GINS1: variants seen among roughly 807,000 people sequenced by gnomAD.
GINS1 encodes GINS complex subunit 1.
Under a neutral mutation model 34.9 loss-of-function variants are expected in GINS1, and 26 were observed. That is an observed-to-expected ratio of 0.74 (90% CI 0.55 to 1.03). The LOEUF (loss-of-function observed/expected upper bound fraction) is 1.03, where lower values mean the gene tolerates loss of function less well. GINS1 is among the 50% of genes least tolerant of loss of function. GINS1 has a pLI of 0.00. For missense variants in GINS1, 235 were observed against 237.9 expected (o/e 0.99, Z 0.08); for synonymous variants, 97 against 84.4 (o/e 1.15, Z -0.82).
At chr20:25,433,461 C>T (rs533455448) in intron 5 of GINS1, among the ~76,000 whole-genome samples, 1 of 152,016 alleles carries the variant, frequency 6.6e-6, no homozygotes, top group Non-Finnish European at 1.5e-5. Context: ...TAAATAATCT[C>T]TAGATTACTT....
chr20:25,420,378 C>G lies in GINS1; in HGVS notation c.330+2183C>G, dbSNP rs572236916. Reference sequence around the variant, plus strand: ...TGAGCTCCTGACCTGATGATCTGCCCACCTCAGCCTCCCAAAGTGCTGGGA... The same window carrying G: ...TGAGCTCCTGACCTGATGATCTGCCGACCTCAGCCTCCCAAAGTGCTGGGA... On this transcript the variant is annotated intron_variant, in intron 4 of 6. Coordinates refer to ENST00000262460, the MANE Select transcript of GINS1 (RefSeq NM_021067.5). Among the ~76,000 whole-genome samples, 3 of 152,008 alleles carry G rather than the reference C, an allele frequency of 2.0e-5. No individual in the cohort carries two copies. The East Asian group carries it at 5.8e-4, about 30-fold the overall frequency.
intron 2 of GINS1, among the ~76,000 whole-genome samples, chr20:25,414,642 G>C (rs1238490242): frequency 6.6e-6 from 1 of 152,136 alleles, no homozygotes; most frequent in Admixed American, 6.5e-5. Context: ...TGAGGCTGCA[G>C]TGAGCTATGA....
At chr20:25,413,056 A>ATTTTTTTTTTTTTTTTTT in intron 1 of GINS1, among the ~76,000 whole-genome samples, 1 of 135,958 alleles carries the variant, frequency 7.4e-6, no homozygotes, top group African/African-American at 2.7e-5. Context: ...TCAGTAGTTC[A>ATTTTTTTTTTTTTTTTTT]TTTTTTTTTT....
intron 5 of GINS1, among the ~76,000 whole-genome samples, chr20:25,431,809 T>C (rs925380223): frequency 1.3e-5 from 2 of 152,088 alleles, no homozygotes; most frequent in Non-Finnish European, 2.9e-5. Flanking sequence ...TTACCTCAAG[T>C]GATCCACCCA....
chr20:25,421,274 A>G, intron 4 of GINS1, among the ~76,000 whole-genome samples: 1 of 152,246 alleles, frequency 6.6e-6, no homozygotes, highest in Non-Finnish European at 1.5e-5. Context: ...CCTGGTATAT[A>G]GTAAGCACTT....
At chr20:25,414,558 G>C (rs2090308322) in intron 2 of GINS1, among the ~76,000 whole-genome samples, 1 of 152,064 alleles carries the variant, frequency 6.6e-6, no homozygotes, top group Non-Finnish European at 1.5e-5. Flanking sequence ...AAATTAGCTG[G>C]GTGTGGTGGC....
chr20:25,415,960 G>A (rs1001721791), intron 2 of GINS1, among the ~76,000 whole-genome samples: 2 of 152,156 alleles, frequency 1.3e-5, no homozygotes, highest in African/African-American at 4.8e-5. Context: ...GGAGGGAACA[G>A]CATATGCAAA....
chr20:25,447,773 C>T lies in GINS1; in HGVS notation c.*1782C>T, dbSNP rs1221644654. On this transcript the variant is annotated 3_prime_UTR_variant, in exon 7 of 7. Coordinates refer to ENST00000262460, the MANE Select transcript of GINS1 (RefSeq NM_021067.5). Reference sequence around the variant, plus strand: ...ACAGGCGTGAGCCTTGGTGCTGGCCCAGTGTACCACATTTCTTTTTGAGAT... The same window carrying T: ...ACAGGCGTGAGCCTTGGTGCTGGCCTAGTGTACCACATTTCTTTTTGAGAT... 6.6e-6 allele frequency: 1 copy of T among 152,274 alleles called. No individual in the cohort carries two copies. The highest frequency in any genetic ancestry group is 1.5e-5 in the Non-Finnish European group (1 of 68,088). 9.4% of individuals were successfully genotyped at this position (152,274 alleles called of 1,614,324 possible).
intron 5 of GINS1, among the ~76,000 whole-genome samples, chr20:25,440,947 A>G (rs2146223116): frequency 6.6e-6 from 1 of 152,346 alleles, no homozygotes; most frequent in African/African-American, 2.4e-5. Flanking sequence ...ATGGTAGGAC[A>G]TGATAAAATT....
intron 1 of GINS1, among the ~76,000 whole-genome samples, chr20:25,410,425 A>G (rs936892927): frequency 3.3e-5 from 5 of 152,106 alleles, no homozygotes; most frequent in African/African-American, 1.2e-4. Flanking sequence ...CCTTCCACTG[A>G]CAAACCCACC....
At position 25,446,026 on chromosome 20, in the gene GINS1, TC is replaced by T. The variant is rs1568813354; in HGVS notation, c.*36del. ...GAGGCACTTCCAGGCTTCACTCAAC[TC>T]ATGGACTCCTCTGTACTCACTCTCT... is the stretch of plus-strand genomic sequence containing the variant. On this transcript the variant is annotated 3_prime_UTR_variant, in exon 7 of 7. Coordinates refer to ENST00000262460, the MANE Select transcript of GINS1 (RefSeq NM_021067.5). 3 of 1,249,384 alleles carry T rather than the reference TC, an allele frequency of 2.4e-6. No homozygotes were observed. The highest frequency in any genetic ancestry group is 1.2e-5 in the South Asian group (1 of 81,730). The allele number at this position is 1,249,384 out of a possible 1,614,324, so 77.4% of individuals were successfully genotyped here. A position where few individuals can be genotyped will look rare whatever the true frequency, so the allele number is the denominator to read the frequency against.
intron 2 of GINS1, among the ~76,000 whole-genome samples, chr20:25,415,707 A>G (rs1388431743): frequency 1.3e-5 from 2 of 150,310 alleles, no homozygotes; most frequent in Non-Finnish European, 3.0e-5. Flanking sequence ...AAAAAAAAAG[A>G]TGCCTGTCCC....
chr20:25,442,666 G>A lies in GINS1; in HGVS notation c.522+890G>A, dbSNP rs6050620. On this transcript the variant is annotated intron_variant, in intron 6 of 6. Transcript: ENST00000262460. ...TCTGTTCCCCAGGCTGGAGTGCAGT[G>A]GCGGGATCTCCACTCATTGCAACCT... is the stretch of plus-strand genomic sequence containing the variant. Among the ~76,000 whole-genome samples, 550 of 147,900 alleles carry A rather than the reference G, an allele frequency of 3.7e-3. 5 individuals are homozygous for A. Among genetic ancestry groups the A allele is most frequent in the African/African-American group, 0.013 (532 of 39,732 alleles).
At chr20:25,423,609 TCTC>T (rs1415118014) in intron 4 of GINS1, among the ~76,000 whole-genome samples, 3 of 110,412 alleles carry the variant, frequency 2.7e-5, no homozygotes, top group African/African-American at 1.2e-4. Flanking sequence ...ATTTTTCTTC[TCTC>T]TTTTTTTTTT....
chr20:25,408,789 G>T (rs959873039), intron 1 of GINS1: 4 of 296,570 alleles, frequency 1.3e-5, no homozygotes, highest in Non-Finnish European at 2.0e-5. Flanking sequence ...ATTGCCTAAG[G>T]TGACACAGCA....
chr20:25,428,404 T>G (rs1296780562), intron 5 of GINS1, among the ~76,000 whole-genome samples: 1 of 129,056 alleles, frequency 7.7e-6, no homozygotes, highest in East Asian at 2.4e-4. Context: ...TTTCTTTTTT[T>G]TTTTTTTTTT....
In GINS1 at chr20:25,423,452, C is replaced by CTTTTCTTTTTTTTTTTTTTTT. The variant is rs1568802527; in HGVS notation, c.331-1755_331-1754insCTTTTTTTTTTTTTTTTTTTT. On this transcript the variant is annotated intron_variant, in intron 4 of 6. Transcript: ENST00000262460. ...AAGGTTATTAAGATATTTTTCTTTTCTTTTTTTTTTTTTTTTTTTTTTTTT... is the reference window on the plus strand; with the variant it reads ...AAGGTTATTAAGATATTTTTCTTTTCTTTTCTTTTTTTTTTTTTTTTTTTTTTTTTTTTTTTTTTTTTTTTT... 3.7e-4 allele frequency among the ~76,000 whole-genome samples: 11 copies of CTTTTCTTTTTTTTTTTTTTTT among 29,992 alleles called. 3 individuals carry two copies. Among genetic ancestry groups the CTTTTCTTTTTTTTTTTTTTTT allele is most frequent in the East Asian group, 4.7e-3 (2 of 428 alleles). 19.7% of individuals were successfully genotyped at this position (29,992 alleles called of 152,430 possible).
intron 5 of GINS1, among the ~76,000 whole-genome samples, chr20:25,439,288 G>A (rs1179341602): frequency 6.6e-6 from 1 of 152,166 alleles, no homozygotes; most frequent in Non-Finnish European, 1.5e-5. Flanking sequence ...CTTATCTGAT[G>A]TAGACCTAAC....
At chr20:25,424,883 G>A (rs2090381646) in intron 4 of GINS1, among the ~76,000 whole-genome samples, 1 of 152,190 alleles carries the variant, frequency 6.6e-6, no homozygotes, top group African/African-American at 2.4e-5. Context: ...TTCAGAAATA[G>A]CATCAATGCA....
Sources: gnomAD v4.1 joint callset for allele counts (sites outside exome capture counted in the v4.1 genomes callset) on GRCh38, gnomAD v4.1.1 for gene constraint, MANE v1.5 for transcripts, NCBI Gene and HGNC (gene_info 2026-07-23, HGNC 2026-07-21) for gene names.